Variants in CTNNA2 observed in about 807,000 individuals in gnomAD.
CTNNA2 encodes catenin alpha-2.
CTNNA2 carries 42 observed loss-of-function variants against 101.0 expected under a neutral mutation model. The observed-to-expected ratio is 0.42, with a 90% confidence interval of 0.32 to 0.54. CTNNA2 has a LOEUF of 0.54. CTNNA2 is among the 20% of genes least tolerant of loss of function. The probability of loss-of-function intolerance (pLI) is 0.14; values close to 1 mark genes in which losing one functional copy is unlikely to be tolerated. For missense variants in CTNNA2, 871 were observed against 1,223.1 expected (o/e 0.71, Z 4.29); for synonymous variants, 450 against 456.4 (o/e 0.99, Z 0.18).
chr2:79,369,552 C>G (rs1027234529), intron 3 of CTNNA2, among the ~76,000 whole-genome samples: 1 of 152,160 alleles, frequency 6.6e-6, no homozygotes, highest in South Asian at 2.1e-4. Flanking sequence ...GTGACAGGCA[C>G]CTGCTCAGCA....
Position 80,619,142 on chromosome 2 carries a change from G to A in CTNNA2, c.2488G>A (p.Gly830Arg). The A allele has an allele frequency of 6.4e-7, 1 of 1,559,178 alleles. No individual in the cohort carries two copies. The highest frequency in any genetic ancestry group is 1.9e-5 in the Admixed American group (1 of 52,888). ...TGAGGTAGATTGTGATGTCATAGAT[G>A]GGGGCAGGGCTAGTCAACTTTCTAC... is the stretch of plus-strand genomic sequence containing the variant. Reference protein sequence around the residue: ...FYEVDCDVIDGGRASQLSTHL... With the variant: ...FYEVDCDVIDRGRASQLSTHL... Residue 830 changes from glycine to arginine, a missense_variant, in exon 18 of 19, where the codon GGG becomes AGG. Gly to Arg is a moderately radical substitution (Grantham distance 125). Around this residue, in one of 5 missense-constraint regions of CTNNA2, gnomAD observed 65 missense variants for 53.3 expected, o/e 1.22. Transcript: ENST00000402739.
chr2:80,059,679 G>T (rs2104371434), intron 7 of CTNNA2, among the ~76,000 whole-genome samples: 1 of 152,294 alleles, frequency 6.6e-6, no homozygotes, highest in East Asian at 1.9e-4. Context: ...TCAAGACAGT[G>T]GCGGCACCCA....
chr2:79,330,764 T>C (rs937952208), intron 3 of CTNNA2, among the ~76,000 whole-genome samples: 5 of 152,190 alleles, frequency 3.3e-5, no homozygotes, highest in African/African-American at 1.2e-4. Context: ...TGCCACCATA[T>C]AAACCTGTCT....
chr2:80,000,416 A>C (rs1692862052), intron 7 of CTNNA2, among the ~76,000 whole-genome samples: 1 of 152,302 alleles, frequency 6.6e-6, no homozygotes, highest in East Asian at 1.9e-4. Flanking sequence ...GATGAAAAAC[A>C]AATAAACAAA....
chr2:79,187,270 CTTTTTT>C lies in CTNNA2; in HGVS notation c.-524+1851_-524+1856del, dbSNP rs781414965. Among the ~76,000 whole-genome samples, 71 of 65,436 alleles carry C rather than the reference CTTTTTT, an allele frequency of 1.1e-3. 1 individual carries two copies. The highest frequency in any genetic ancestry group is 0.012 in the Middle Eastern group (1 of 82). The allele number at this position is 65,436 out of a possible 152,430, so 42.9% of individuals were successfully genotyped here. On this transcript the variant is annotated intron_variant, in intron 1 of 21. Coordinates refer to the CTNNA2 transcript ENST00000466387. ...CTTTTCTTTTCTTTTCTTTTCTTTT[CTTTTTT>C]TTTTTTTTTTTGAGACAGAGTCTCA...
intron 2 of CTNNA2, among the ~76,000 whole-genome samples, chr2:79,204,061 A>T (rs1674070412): frequency 1.3e-5 from 2 of 152,256 alleles, no homozygotes. Flanking sequence ...TTCCCTATTA[A>T]GGAAATGCTT....
chr2:80,244,526 G>T (rs1192534434), intron 7 of CTNNA2, among the ~76,000 whole-genome samples: 1 of 152,194 alleles, frequency 6.6e-6, no homozygotes, highest in Non-Finnish European at 1.5e-5. Context: ...GGCACGTGAA[G>T]TAACTTAGAC....
intron 4 of CTNNA2, among the ~76,000 whole-genome samples, chr2:79,384,347 C>T (rs1411686413): frequency 2.0e-5 from 3 of 149,842 alleles, no homozygotes; most frequent in Non-Finnish European, 4.4e-5. Flanking sequence ...ATTACATATA[C>T]TTTCCCTGGT....
At chr2:80,379,183 C>G (rs1031702578) in intron 7 of CTNNA2, among the ~76,000 whole-genome samples, 2 of 152,086 alleles carry the variant, frequency 1.3e-5, no homozygotes, top group Non-Finnish European at 1.5e-5. Context: ...TTGCCTGTAT[C>G]AGGATCCTGG....
At chr2:79,831,300 C>T (rs1170467516) in intron 3 of CTNNA2, among the ~76,000 whole-genome samples, 9 of 151,934 alleles carry the variant, frequency 5.9e-5, no homozygotes, top group Non-Finnish European at 1.0e-4. Context: ...ATCTTTTTCT[C>T]CTCGAGGTTT....
rs1452625804 is a variant in CTNNA2, at chr2:79,186,450, C to T, written c.-524+1019C>T. ...ATGTCTGCTGTATCCTGAACTAAAACACTTTCACTTTTATGTGATAGTTTC... is the reference window on the plus strand; with the variant it reads ...ATGTCTGCTGTATCCTGAACTAAAATACTTTCACTTTTATGTGATAGTTTC... On this transcript the variant is annotated intron_variant, in intron 1 of 21. Transcript: ENST00000466387. Among the ~76,000 whole-genome samples, 3 of 152,330 alleles carry T rather than the reference C, an allele frequency of 2.0e-5. No homozygotes were observed. The East Asian group carries it at 5.8e-4, about 29-fold the overall frequency.
intron 7 of CTNNA2, among the ~76,000 whole-genome samples, chr2:80,265,156 G>A (rs1672909311): frequency 6.6e-6 from 1 of 151,882 alleles, no homozygotes; most frequent in African/African-American, 2.4e-5. Flanking sequence ...TGTATTTTTG[G>A]TAGAGACAGG....
At chr2:79,417,665 A>G (rs1678497828) in intron 4 of CTNNA2, among the ~76,000 whole-genome samples, 1 of 152,128 alleles carries the variant, frequency 6.6e-6, no homozygotes, top group Admixed American at 6.6e-5. Context: ...GCCCATCCAG[A>G]TAGGCCTCTC....
chr2:79,231,193 C>A (rs766108351), intron 2 of CTNNA2, among the ~76,000 whole-genome samples: 4 of 152,144 alleles, frequency 2.6e-5, no homozygotes, highest in Non-Finnish European at 5.9e-5. Flanking sequence ...GCTGTGCCCC[C>A]ACCCAAATCT....
intron 9 of CTNNA2, among the ~76,000 whole-genome samples, chr2:80,492,027 G>A (rs942019011): frequency 6.6e-6 from 1 of 152,138 alleles, no homozygotes; most frequent in Non-Finnish European, 1.5e-5. Context: ...GTCTGGGAAT[G>A]GAATTAGATG....
At chr2:79,668,103 G>A (rs9808465) in intron 2 of CTNNA2, among the ~76,000 whole-genome samples, 16,603 of 150,836 alleles carry the variant, frequency 0.11, 1,361 homozygotes, top group East Asian at 0.4. Flanking sequence ...AGCCGGGCGC[G>A]GTGGCGGGCG....
At chr2:79,449,945 A>G (rs1289624453) in intron 4 of CTNNA2, among the ~76,000 whole-genome samples, 2 of 152,062 alleles carry the variant, frequency 1.3e-5, no homozygotes, top group Non-Finnish European at 2.9e-5. Context: ...CGTTACTCCA[A>G]CAAGTCTCGA....
intron 13 of CTNNA2, among the ~76,000 whole-genome samples, chr2:80,577,251 T>C (rs1047969907): frequency 8.5e-5 from 13 of 152,208 alleles, no homozygotes; most frequent in African/African-American, 2.9e-4. Flanking sequence ...GGAAATATAA[T>C]GTCAAACATT....
rs1406672237 is a variant in CTNNA2, at chr2:80,333,448, G to A, written c.1057-59763G>A. Among the ~76,000 whole-genome samples the A allele has an allele frequency of 2.6e-5, 4 of 152,112 alleles. No individual in the cohort carries two copies. The East Asian group carries it at 7.7e-4, about 29-fold the overall frequency. On this transcript the variant is annotated intron_variant, in intron 7 of 18. Transcript: ENST00000402739. Reference sequence around the variant, plus strand: ...TGTGAGGAAGAGCAAGATAAATGATGGAGATAAATAAGAGATATGCATGAT... The same window carrying A: ...TGTGAGGAAGAGCAAGATAAATGATAGAGATAAATAAGAGATATGCATGAT...
Sources: gnomAD v4.1 joint callset for allele counts (sites outside exome capture counted in the v4.1 genomes callset) on GRCh38, gnomAD v4.1.1 for gene constraint, gnomAD v4.1.1 regional missense constraint, MANE v1.5 for transcripts, NCBI Gene and HGNC (gene_info 2026-07-23, HGNC 2026-07-21) for gene names.